DSE: variants seen among roughly 807,000 people sequenced by gnomAD.
DSE encodes the protein dermatan sulfate epimerase.
DSE carries 36 observed loss-of-function variants against 84.4 expected under a neutral mutation model. The ratio of observed to expected loss-of-function variants is 0.43; its 90% CI spans 0.33 to 0.56. DSE has a LOEUF of 0.56. DSE is among the 20% of genes least tolerant of loss of function. The probability of loss-of-function intolerance (pLI) is 0.06; values close to 1 mark genes in which losing one functional copy is unlikely to be tolerated. For missense variants in DSE, 862 were observed against 1,169.6 expected (o/e 0.74, Z 3.84); for synonymous variants, 410 against 430.1 (o/e 0.95, Z 0.58).
intron 2 of DSE, among the ~76,000 whole-genome samples, chr6:116,346,320 A>G (rs1777963846): frequency 6.6e-6 from 1 of 152,198 alleles, no homozygotes; most frequent in Non-Finnish European, 1.5e-5. Context: ...CAACAAAAAA[A>G]GAGAATTTTA....
At chr6:116,272,076 A>T (rs1048881165) in intron 2 of DSE, among the ~76,000 whole-genome samples, 1 of 152,212 alleles carries the variant, frequency 6.6e-6, no homozygotes, top group African/African-American at 2.4e-5. Flanking sequence ...TATAATATAT[A>T]TTCCTTTGAC....
At chr6:116,334,157 T>A (rs1027982078) in intron 2 of DSE, among the ~76,000 whole-genome samples, 1 of 152,228 alleles carries the variant, frequency 6.6e-6, no homozygotes, top group Non-Finnish European at 1.5e-5. Context: ...TATCTTTGTG[T>A]CTCTGTATCT....
chr6:116,361,597 A>G (rs571162387), intron 2 of DSE, among the ~76,000 whole-genome samples: 84 of 152,240 alleles, frequency 5.5e-4, no homozygotes, highest in African/African-American at 2.0e-3. Flanking sequence ...TTGAGGTTGT[A>G]GTGAGCTATG....
At chr6:116,343,426 G>T (rs546748778) in intron 2 of DSE, among the ~76,000 whole-genome samples, 2 of 152,296 alleles carry the variant, frequency 1.3e-5, no homozygotes, top group South Asian at 4.1e-4. Context: ...CATACAGCCA[G>T]GTCCCCCTCT....
intron 2 of DSE, among the ~76,000 whole-genome samples, chr6:116,327,765 T>C (rs570502180): frequency 6.6e-6 from 1 of 152,364 alleles, no homozygotes; most frequent in East Asian, 1.9e-4. Context: ...TTCTATGATA[T>C]ATTTTACCTG....
At chr6:116,372,411 T>C (rs1251340510) in intron 1 of DSE, among the ~76,000 whole-genome samples, 2 of 152,230 alleles carry the variant, frequency 1.3e-5, no homozygotes, top group South Asian at 2.1e-4. Flanking sequence ...GAGCTTGCAG[T>C]GAGCCGAGAT....
intron 2 of DSE, among the ~76,000 whole-genome samples, chr6:116,299,553 C>CAT (rs1373383286): frequency 1.8e-4 from 7 of 39,838 alleles, no homozygotes; most frequent in African/African-American, 7.6e-4. Flanking sequence ...TATATATATA[C>CAT]ACATACACAC....
intron 2 of DSE, among the ~76,000 whole-genome samples, chr6:116,402,220 T>C (rs1407542885): frequency 6.6e-6 from 1 of 152,196 alleles, no homozygotes; most frequent in Non-Finnish European, 1.5e-5. Context: ...CAGAATTGAG[T>C]GTGTGGATCA....
chr6:116,353,579 T>C (rs1354259863), intron 2 of DSE, among the ~76,000 whole-genome samples: 4 of 152,250 alleles, frequency 2.6e-5, no homozygotes, highest in Non-Finnish European at 5.9e-5. Flanking sequence ...TTACATTCTT[T>C]ATCTCTCATC....
intron 2 of DSE, among the ~76,000 whole-genome samples, chr6:116,404,337 T>G (rs563237105): frequency 6.6e-6 from 1 of 152,370 alleles, no homozygotes; most frequent in South Asian, 2.1e-4. Context: ...AAAAGAGGTT[T>G]AGGATAGGAT....
At chr6:116,262,595 T>C (rs373044621) in intron 2 of DSE, among the ~76,000 whole-genome samples, 6 of 152,334 alleles carry the variant, frequency 3.9e-5, no homozygotes, top group Admixed American at 3.9e-4. Flanking sequence ...TGAAATTTTT[T>C]GTGTGTCTAA....
intron 1 of DSE, chr6:116,256,637 A>G (rs1320854294): frequency 6.6e-6 from 1 of 152,198 alleles, no homozygotes; most frequent in Non-Finnish European, 1.5e-5. Context: ...TGTAGCATCT[A>G]CGACAGTATA....
chr6:116,378,055 A>C (rs1364185599), intron 1 of DSE, among the ~76,000 whole-genome samples: 1 of 152,114 alleles, frequency 6.6e-6, no homozygotes, highest in East Asian at 1.9e-4. Flanking sequence ...CAGTGTTTAC[A>C]TTTCTCCCAA....
chr6:116,312,188 T>G (rs1197186968), intron 2 of DSE, among the ~76,000 whole-genome samples: 1 of 152,152 alleles, frequency 6.6e-6, no homozygotes, highest in African/African-American at 2.4e-5. Flanking sequence ...GGAGGTCCAG[T>G]GAATATGGAA....
intron 2 of DSE, chr6:116,278,950 C>T (rs1348005854): frequency 6.2e-7 from 1 of 1,614,112 alleles, no homozygotes; most frequent in Non-Finnish European, 8.5e-7. Flanking sequence ...ATCTTGGCCC[C>T]TAATCATGGC....
chr6:116,355,020 T>C (rs1330928476), intron 2 of DSE, among the ~76,000 whole-genome samples: 2 of 152,244 alleles, frequency 1.3e-5, no homozygotes, highest in Non-Finnish European at 2.9e-5. Flanking sequence ...CATAGACACA[T>C]ACATATATAA....
Position 116,435,609 on chromosome 6 carries a change from G to A in DSE, c.1141G>A (p.Val381Ile). The A allele has an allele frequency of 6.3e-7, 1 of 1,576,926 alleles. No individual in the cohort carries two copies. The highest frequency in any genetic ancestry group is 8.6e-7 in the Non-Finnish European group (1 of 1,162,118). Reference sequence around the variant, plus strand: ...CAGGTATGATGGCAGCTTGAAATCGGTTCCTCCTCCAGACTTTGGCACCCC... The same window carrying A: ...CAGGTATGATGGCAGCTTGAAATCGATTCCTCCTCCAGACTTTGGCACCCC... ...FLWYDGSLKS[V>I]PPPDFGTPTL... The change falls in exon 6 of 6, where the codon GTT (valine) becomes ATT (isoleucine). Residue 381 changes from valine to isoleucine, a missense_variant. This residue lies in a region of DSE where 309 missense variants were observed against 516.9 expected (regional missense o/e 0.60). Coordinates refer to ENST00000644252, the MANE Select transcript of DSE (RefSeq NM_013352.4).
chr6:116,301,554 A>C (rs1775042059), intron 2 of DSE, among the ~76,000 whole-genome samples: 1 of 152,192 alleles, frequency 6.6e-6, no homozygotes, highest in African/African-American at 2.4e-5. Flanking sequence ...CTACAGCCAG[A>C]GTGATCTGCT....
chr6:116,383,190 ATC>A (rs1360503905), intron 1 of DSE, among the ~76,000 whole-genome samples: 1 of 152,236 alleles, frequency 6.6e-6, no homozygotes, highest in Non-Finnish European at 1.5e-5. Context: ...ACAGGTGATC[ATC>A]TAGTTTCTGC....
Sources: gnomAD v4.1 joint callset for allele counts (sites outside exome capture counted in the v4.1 genomes callset) on GRCh38, gnomAD v4.1.1 for gene constraint, gnomAD v4.1.1 regional missense constraint, MANE v1.5 for transcripts, NCBI Gene and HGNC (gene_info 2026-07-23, HGNC 2026-07-21) for gene names.